Variants in PTPRM observed in about 807,000 individuals in gnomAD.
The protein encoded by PTPRM is protein tyrosine phosphatase receptor type M.
Under a neutral mutation model 186.7 loss-of-function variants are expected in PTPRM, and 47 were observed. That is an observed-to-expected ratio of 0.25 (90% CI 0.20 to 0.32). PTPRM has a LOEUF of 0.32. PTPRM is among the 10% of genes least tolerant of loss of function. The pLI is 1.00. For missense variants in PTPRM, 1,494 were observed against 1,865.0 expected (o/e 0.80, Z 3.66); for synonymous variants, 668 against 674.9 (o/e 0.99, Z 0.16).
At chr18:7,894,127 G>C (rs74668004) in intron 3 of PTPRM, among the ~76,000 whole-genome samples, 2,134 of 152,262 alleles carry the variant, frequency 0.014, 19 homozygotes, top group Middle Eastern at 0.024. Context: ...GTGTACCGAG[G>C]AGATGCCTGT....
intron 11 of PTPRM, among the ~76,000 whole-genome samples, chr18:8,099,905 A>G (rs1190238444): frequency 6.6e-6 from 1 of 152,190 alleles, no homozygotes; most frequent in African/African-American, 2.4e-5. Flanking sequence ...CATTGCTATA[A>G]AGATACCCGA....
intron 1 of PTPRM, among the ~76,000 whole-genome samples, chr18:7,722,652 A>G (rs910987387): frequency 1.2e-5 from 1 of 85,340 alleles, no homozygotes. Context: ...CTTTCAAGAA[A>G]AAGTTTTTAT....
chr18:7,707,223 GA>G (rs1012169604), intron 1 of PTPRM, among the ~76,000 whole-genome samples: 1 of 152,090 alleles, frequency 6.6e-6, no homozygotes, highest in Admixed American at 6.5e-5. Context: ...CATGAAGGGA[GA>G]AAAGTGTTTC....
intron 23 of PTPRM, among the ~76,000 whole-genome samples, chr18:8,359,729 C>T (rs967274961): frequency 6.6e-6 from 1 of 152,256 alleles, no homozygotes; most frequent in Non-Finnish European, 1.5e-5. Context: ...GGTTCCAGCA[C>T]ATTCCTACCT....
intron 1 of PTPRM, among the ~76,000 whole-genome samples, chr18:7,633,178 G>A (rs1335965785): frequency 6.6e-6 from 1 of 152,186 alleles, no homozygotes; most frequent in East Asian, 1.9e-4. Context: ...AGGTGTGTAA[G>A]TCGGCTTTTT....
intron 1 of PTPRM, among the ~76,000 whole-genome samples, chr18:7,578,513 T>A (rs954388144): frequency 6.6e-6 from 1 of 151,948 alleles, no homozygotes; most frequent in Non-Finnish European, 1.5e-5. Flanking sequence ...TTTTTTGTAT[T>A]TTTAGTAGAG....
intron 2 of PTPRM, among the ~76,000 whole-genome samples, chr18:7,830,543 C>G (rs2045707300): frequency 6.6e-6 from 1 of 152,172 alleles, no homozygotes; most frequent in Non-Finnish European, 1.5e-5. Context: ...TATGGTCTGT[C>G]ACATGCAGTC....
chr18:7,721,769 T>G (rs2040451125), intron 1 of PTPRM, among the ~76,000 whole-genome samples: 1 of 152,192 alleles, frequency 6.6e-6, no homozygotes, highest in Admixed American at 6.5e-5. Context: ...ATGCCAGGGT[T>G]TACTTCTGGG....
intron 19 of PTPRM, among the ~76,000 whole-genome samples, chr18:8,265,932 G>A (rs143077650): frequency 6.6e-6 from 1 of 152,188 alleles, no homozygotes; most frequent in African/African-American, 2.4e-5. Context: ...TTCAGTGGGC[G>A]ACACTAACTG....
In PTPRM at chr18:8,362,335, A is replaced by AACTAGGT. The variant is rs1209458353; in HGVS notation, c.3055-8552_3055-8546dup. On this transcript the variant is annotated intron_variant, in intron 23 of 32. Coordinates refer to ENST00000580170, the MANE Select transcript of PTPRM (RefSeq NM_001105244.2). The stretch of plus-strand genomic sequence containing the variant: ...GTGATTACATACACCTACACAAAGG[A>AACTAGGT]ACTAGGTACCCTTTAAAAACACTGC... 3.3e-5 allele frequency among the ~76,000 whole-genome samples: 5 copies of AACTAGGT among 152,290 alleles called. No individual in the cohort carries two copies. In the East Asian group the frequency reaches 9.6e-4, roughly 29 times the overall value.
intron 7 of PTPRM, among the ~76,000 whole-genome samples, chr18:8,001,684 C>T (rs2083883600): frequency 6.6e-6 from 1 of 152,132 alleles, no homozygotes; most frequent in Non-Finnish European, 1.5e-5. Context: ...CTCCCAAAAC[C>T]CATGTCCCCT....
intron 7 of PTPRM, among the ~76,000 whole-genome samples, chr18:8,043,154 T>C (rs2086798214): frequency 6.6e-6 from 1 of 152,156 alleles, no homozygotes; most frequent in Non-Finnish European, 1.5e-5. Context: ...CTGGTTCCTG[T>C]ATAGCCTGTT....
At chr18:8,039,049 T>G (rs925155571) in intron 7 of PTPRM, among the ~76,000 whole-genome samples, 6 of 152,292 alleles carry the variant, frequency 3.9e-5, no homozygotes, top group African/African-American at 1.4e-4. Context: ...AACTCAGAAG[T>G]AATTACCAAA....
At chr18:7,819,635 A>T (rs1317801502) in intron 2 of PTPRM, among the ~76,000 whole-genome samples, 1 of 152,162 alleles carries the variant, frequency 6.6e-6, no homozygotes, top group Non-Finnish European at 1.5e-5. Flanking sequence ...CAAGGCAAGA[A>T]CCCTGGGATA....
intron 1 of PTPRM, among the ~76,000 whole-genome samples, chr18:7,633,387 G>A (rs530170287): frequency 8.5e-4 from 130 of 152,136 alleles, no homozygotes; most frequent in South Asian, 2.1e-3. Flanking sequence ...TTGGATGGCT[G>A]TGTCTCAGAA....
intron 6 of PTPRM, among the ~76,000 whole-genome samples, chr18:7,950,708 G>A (rs2052891391): frequency 6.6e-6 from 1 of 152,234 alleles, no homozygotes; most frequent in South Asian, 2.1e-4. Context: ...TGGGAAGGGA[G>A]AGGAGGACAG....
At chr18:8,133,185 A>G (rs75261274) in intron 13 of PTPRM, among the ~76,000 whole-genome samples, 3,064 of 152,102 alleles carry the variant, frequency 0.02, 38 homozygotes, top group Middle Eastern at 0.044. Flanking sequence ...TCTCTTAAGG[A>G]CTCCACCTCT....
intron 1 of PTPRM, among the ~76,000 whole-genome samples, chr18:7,597,346 C>A (rs1458837696): frequency 6.6e-6 from 1 of 152,116 alleles, no homozygotes; most frequent in Non-Finnish European, 1.5e-5. Flanking sequence ...CTCTTCTGGT[C>A]CCTTTGCTGG....
intron 19 of PTPRM, among the ~76,000 whole-genome samples, chr18:8,294,534 C>T (rs993489417): frequency 3.9e-5 from 6 of 152,074 alleles, no homozygotes; most frequent in Non-Finnish European, 8.8e-5. Context: ...CCCACCAGGT[C>T]CCTCCCACAA....
Sources: allele counts gnomAD v4.1 joint callset (sites outside exome capture counted in the v4.1 genomes callset), GRCh38; gene constraint gnomAD v4.1.1; transcripts MANE v1.5; gene names NCBI Gene and HGNC (gene_info 2026-07-23, HGNC 2026-07-21).